AP1B1: variants seen among roughly 807,000 people sequenced by gnomAD.
AP1B1 encodes adaptor related protein complex 1 subunit beta 1.
In AP1B1, 36 loss-of-function variants were observed where a neutral mutation model predicts 104.3. That is an observed-to-expected ratio of 0.35 (90% confidence interval 0.26 to 0.46). AP1B1 has a LOEUF of 0.46. Among genes scored for constraint, AP1B1 ranks in the 20% least tolerant of loss-of-function variants. The pLI, the probability that AP1B1 is intolerant of heterozygous loss-of-function variation, is 1.00. For missense variants in AP1B1, 901 were observed against 1,247.9 expected, an observed-to-expected ratio of 0.72 and a Z score of 4.19; for synonymous variants, 504 against 517.5, an observed-to-expected ratio of 0.97 and a Z score of 0.35.
rs753654962 is a variant in AP1B1, at chr22:29,358,850, T to C, written c.401A>G (p.Asp134Gly). 2 of 1,614,198 alleles carry C rather than the reference T, an allele frequency of 1.2e-6. No homozygotes were observed. The highest frequency in any genetic ancestry group is 1.7e-6 in the Non-Finnish European group (2 of 1,180,042). The change falls in exon 5 of 23, where the codon GAT (aspartate) becomes GGT (glycine). Residue 134 changes from aspartate (D) to glycine (G), a missense_variant. Coordinates refer to ENST00000357586, the MANE Select transcript of AP1B1 (RefSeq NM_001127.4). The part of the protein sequence containing the change: ...EPLRKCLKDE[D>G]PYVRKTAAVC... ...AGCTGCTGTCTTGCGCACATATGGA[T>C]CCTCGTCCTTCAGGCACTTCCGGAG...
At chr22:29,356,746 G>C (rs2061964795) in intron 5 of AP1B1, 130 bp from the exon 6 acceptor site, 1 of 836,998 alleles carries the variant, frequency 1.2e-6, no homozygotes, top group South Asian at 1.8e-5. Flanking sequence ...GCAGGGTCTG[G>C]AGCTGCAACG....
At chr22:29,346,617 T>C (rs907478692) in intron 11 of AP1B1, among the ~76,000 whole-genome samples, 1 of 152,186 alleles carries the variant, frequency 6.6e-6, no homozygotes, top group Non-Finnish European at 1.5e-5. Context: ...GCAGCCCAGT[T>C]CCTTACAGGC....
intron 6 of AP1B1, among the ~76,000 whole-genome samples, chr22:29,355,935 C>T (rs1322937032): frequency 7.2e-5 from 11 of 152,088 alleles, no homozygotes; most frequent in Admixed American, 3.3e-4. Context: ...TCACTTCCTC[C>T]GACTTGGAGG....
chr22:29,329,879 T>A, intron 21 of AP1B1, 159 bp from the exon 22 acceptor site: 1 of 1,470,070 alleles, frequency 6.8e-7, no homozygotes, highest in African/African-American at 1.4e-5. Flanking sequence ...TGCCAGAGAC[T>A]CAGGGGTGTG....
At chr22:29,388,209 G>A (rs533273821) in intron 1 of AP1B1, among the ~76,000 whole-genome samples, 6 of 152,338 alleles carry the variant, frequency 3.9e-5, no homozygotes, top group East Asian at 1.9e-4. Flanking sequence ...GGTGCTGCGG[G>A]TATGGGGCGG....
intron 9 of AP1B1, among the ~76,000 whole-genome samples, chr22:29,350,426 A>T (rs1336102343): frequency 1.3e-5 from 2 of 152,118 alleles, no homozygotes; most frequent in Non-Finnish European, 2.9e-5. Flanking sequence ...CTAAGTCAGG[A>T]CCTGAGGGCA....
At chr22:29,355,373 C>T (rs1166966453) in intron 6 of AP1B1, among the ~76,000 whole-genome samples, 1 of 151,898 alleles carries the variant, frequency 6.6e-6, no homozygotes, top group African/African-American at 2.4e-5. Context: ...CGCAGGAGGA[C>T]TGCTTTGAGC....
chr22:29,367,335 A>G (rs2062159453), intron 1 of AP1B1, 65 bp from the exon 2 acceptor site: 1 of 597,092 alleles, frequency 1.7e-6, no homozygotes, highest in Non-Finnish European at 2.7e-6. Flanking sequence ...GTTATGGTGC[A>G]GAGGGAGGAG....
chr22:29,336,989 TG>T (rs1450382951), intron 16 of AP1B1, among the ~76,000 whole-genome samples: 1 of 152,196 alleles, frequency 6.6e-6, no homozygotes, highest in African/African-American at 2.4e-5. Flanking sequence ...ATTGGGCTTC[TG>T]GTGAGTACGA....
Position 29,340,719 on chromosome 22 carries a change from G to T in AP1B1, c.1935C>A (p.Pro645=). The T allele has an allele frequency of 2.5e-6, 4 of 1,591,716 alleles. No individual in the cohort carries two copies. The highest frequency in any genetic ancestry group is 2.3e-5 in the East Asian group (1 of 44,092). ...LDLGPPVSGP[P]LATSSVQMGA... is the part of the protein sequence containing the mutation. ...CCATCTGCACCGAGGAGGTGGCCAGGGGTGGGCCGCTCACTGGGGGGCCGA... is the reference window on the plus strand; with the variant it reads ...CCATCTGCACCGAGGAGGTGGCCAGTGGTGGGCCGCTCACTGGGGGGCCGA... Residue 645 remains proline (P), a synonymous_variant, in exon 14 of 23, where the codon CCC becomes CCA. Coordinates refer to ENST00000357586, the MANE Select transcript of AP1B1 (RefSeq NM_001127.4).
intron 1 of AP1B1, 44 bp from the exon 2 acceptor site, chr22:29,367,314 T>C: frequency 1.1e-6 from 1 of 931,218 alleles, no homozygotes; most frequent in Non-Finnish European, 1.7e-6. Context: ...TTATGCTCCA[T>C]CCCATCTTCA....
chr22:29,357,450 C>G (rs1426441126), intron 5 of AP1B1, among the ~76,000 whole-genome samples: 1 of 152,194 alleles, frequency 6.6e-6, no homozygotes, highest in Non-Finnish European at 1.5e-5. Context: ...ACTGCAACCT[C>G]TGCCTCCTGG....
Position 29,328,786 on chromosome 22 carries a change from C to G in AP1B1, c.*35G>C, listed in dbSNP as rs375793856. 2 of 1,588,004 alleles carry G rather than the reference C, an allele frequency of 1.3e-6. No individual in the cohort carries two copies. Among genetic ancestry groups the G allele is most frequent in the Middle Eastern group, 4.5e-4 (2 of 4,426 alleles). ...CCCCCGAGGGGCCTCCTCGATGGGG[C>G]GGGCAGAAGGCTGGGGTGGGCGCTG... On this transcript the variant is annotated 3_prime_UTR_variant, in exon 23 of 23. Coordinates refer to ENST00000357586, the MANE Select transcript of AP1B1 (RefSeq NM_001127.4). This position sits in a 1 kb window ranked among gnomAD's most constrained non-coding sequence, Gnocchi z 4.1.
At position 29,344,917 on chromosome 22, in the gene AP1B1, C is replaced by A. The variant is rs371793986; in HGVS notation, c.1438-2534G>T. ...TAAAATGAGTTCCATAATTGTCAAG[C>A]CCGGTGCAGTGGTGCAGGCCCATAG... On this transcript the variant is annotated intron_variant, in intron 11 of 22. Coordinates refer to ENST00000357586, the MANE Select transcript of AP1B1 (RefSeq NM_001127.4). Among the ~76,000 whole-genome samples the A allele has an allele frequency of 3.3e-5, 5 of 152,228 alleles. No individual in the cohort carries two copies. In the East Asian group the frequency reaches 5.8e-4, roughly 18 times the overall value.
At chr22:29,334,188 G>C in intron 17 of AP1B1, 77 bp downstream of exon 17, 3 of 1,387,196 alleles carry the variant, frequency 2.2e-6, no homozygotes, top group Non-Finnish European at 1.9e-6. Flanking sequence ...CCTGCCTGCA[G>C]TCCCCAGAAC....
intron 6 of AP1B1, 140 bp downstream of exon 6, chr22:29,356,286 C>T (rs2061956368): frequency 2.2e-6 from 2 of 899,280 alleles, no homozygotes; most frequent in South Asian, 1.8e-5. Context: ...GCAGGCCTCC[C>T]TTTAGGTGTG....
chr22:29,348,840 T>A (rs1285454653), intron 11 of AP1B1, among the ~76,000 whole-genome samples: 5 of 152,052 alleles, frequency 3.3e-5, no homozygotes, highest in South Asian at 2.1e-4. Context: ...TCCTAAGAAA[T>A]CAAAAAAGTG....
intron 2 of AP1B1, among the ~76,000 whole-genome samples, chr22:29,364,159 C>G (rs766729948): frequency 6.6e-6 from 1 of 152,210 alleles, no homozygotes; most frequent in Non-Finnish European, 1.5e-5. Flanking sequence ...GAAGGCCTTT[C>G]CTGTTTTCCT....
At chr22:29,339,512 G>A (rs116283882) in intron 15 of AP1B1, among the ~76,000 whole-genome samples, 16 of 152,080 alleles carry the variant, frequency 1.1e-4, no homozygotes, top group African/African-American at 3.1e-4. Context: ...GGCAATCCCC[G>A]CGATGACAAG....
Sources: gnomAD v4.1 joint callset for allele counts (sites outside exome capture counted in the v4.1 genomes callset) on GRCh38, gnomAD v4.1.1 for gene constraint, Gnocchi (gnomAD v3.1) non-coding constraint, MANE v1.5 for transcripts, NCBI Gene and HGNC (gene_info 2026-07-23, HGNC 2026-07-21) for gene names.